Variants in KSR2 observed in about 807,000 individuals in gnomAD.
KSR2 encodes kinase suppressor of ras 2.
In KSR2, 25 loss-of-function variants were observed where a neutral mutation model predicts 107.8. The ratio of observed to expected loss-of-function variants is 0.23; its 90% CI spans 0.17 to 0.32. The LOEUF (loss-of-function observed/expected upper bound fraction) is 0.32. Among genes scored for constraint, KSR2 ranks in the 10% least tolerant of loss-of-function variants. KSR2 has a pLI of 1.00. For missense variants in KSR2, 887 were observed against 1,268.9 expected (o/e 0.70, Z 4.57); for synonymous variants, 480 against 507.0 (o/e 0.95, Z 0.71).
chr12:117,625,134 CAT>C (rs1882403291), intron 5 of KSR2, among the ~76,000 whole-genome samples: 1 of 152,170 alleles, frequency 6.6e-6, no homozygotes, highest in African/African-American at 2.4e-5. Flanking sequence ...AATATACAAT[CAT>C]GTCATCTGCA....
At chr12:117,641,773 G>A (rs141230625) in intron 5 of KSR2, among the ~76,000 whole-genome samples, 328 of 152,222 alleles carry the variant, frequency 2.2e-3, no homozygotes, top group African/African-American at 7.6e-3. Flanking sequence ...AGTTGCCCTT[G>A]AAGAGAAGAA....
intron 4 of KSR2, among the ~76,000 whole-genome samples, chr12:117,668,775 G>A (rs566495544): frequency 5.3e-5 from 8 of 152,104 alleles, no homozygotes; most frequent in Non-Finnish European, 1.2e-4. Flanking sequence ...AGTTCCTTCA[G>A]AAGAAAGAAT....
chr12:117,737,250 AC>A (rs1193384688), intron 4 of KSR2, among the ~76,000 whole-genome samples: 1 of 152,268 alleles, frequency 6.6e-6, no homozygotes, highest in Middle Eastern at 3.4e-3. Flanking sequence ...TTTAGAAACA[AC>A]TCCAAGAATA....
intron 5 of KSR2, among the ~76,000 whole-genome samples, chr12:117,653,481 G>C (rs1461515814): frequency 6.6e-6 from 1 of 152,230 alleles, no homozygotes; most frequent in Admixed American, 6.5e-5. Flanking sequence ...TTTTGCTTCT[G>C]CAAGATATCA....
At chr12:117,831,075 C>T (rs1027705684) in intron 3 of KSR2, among the ~76,000 whole-genome samples, 1 of 152,154 alleles carries the variant, frequency 6.6e-6, no homozygotes, top group African/African-American at 2.4e-5. Flanking sequence ...ATCCAAATAC[C>T]TCCCCCAGAG....
chr12:117,592,623 C>T (rs978245426), intron 5 of KSR2, among the ~76,000 whole-genome samples: 3 of 152,164 alleles, frequency 2.0e-5, no homozygotes, highest in Admixed American at 6.5e-5. Flanking sequence ...GTTTCATTGC[C>T]GGTAAAGAAA....
chr12:117,804,060 TG>T (rs1890928422), intron 3 of KSR2, among the ~76,000 whole-genome samples: 1 of 152,242 alleles, frequency 6.6e-6, no homozygotes, highest in Admixed American at 6.5e-5. Context: ...TTTTGGGGTT[TG>T]AGACAGGATT....
At chr12:117,812,842 C>CAAAAAAAAAAAAAAAAAAAAA (rs3073170) in intron 3 of KSR2, among the ~76,000 whole-genome samples, 19 of 95,528 alleles carry the variant, frequency 2.0e-4, no homozygotes, top group African/African-American at 5.9e-4. Flanking sequence ...CCCAAATAGC[C>CAAAAAAAAAAAAAAAAAAAAA]AAAAAAAAAA....
chr12:117,713,428 T>C (rs992084372), intron 4 of KSR2, among the ~76,000 whole-genome samples: 1 of 152,188 alleles, frequency 6.6e-6, no homozygotes, highest in African/African-American at 2.4e-5. Flanking sequence ...GATACAGATA[T>C]AGATTTTGGC....
intron 1 of KSR2, among the ~76,000 whole-genome samples, chr12:117,953,748 A>G (rs1453334317): frequency 1.3e-5 from 2 of 152,222 alleles, no homozygotes; most frequent in Non-Finnish European, 2.9e-5. Context: ...TAATGGTTAC[A>G]CAACATTATA....
chr12:117,760,891 CAG>C, intron 4 of KSR2, 118 bp downstream of exon 4: 1 of 1,269,180 alleles, frequency 7.9e-7, no homozygotes, highest in South Asian at 1.3e-5. Flanking sequence ...TTCATTCAAC[CAG>C]AGTCTGGAAC....
At chr12:117,620,317 G>T (rs960929340) in intron 5 of KSR2, among the ~76,000 whole-genome samples, 2 of 152,134 alleles carry the variant, frequency 1.3e-5, no homozygotes, top group African/African-American at 4.8e-5. Context: ...CAAAGGGTCT[G>T]CCCCATTGTG....
At chr12:117,773,671 A>G (rs372302229) in intron 3 of KSR2, among the ~76,000 whole-genome samples, 2 of 152,236 alleles carry the variant, frequency 1.3e-5, no homozygotes, top group African/African-American at 4.8e-5. Context: ...AGCAAGAAGC[A>G]GAACTTTTAG....
intron 7 of KSR2, among the ~76,000 whole-genome samples, chr12:117,566,900 A>T (rs758663192): frequency 1.3e-5 from 2 of 152,232 alleles, no homozygotes; most frequent in Non-Finnish European, 2.9e-5. Flanking sequence ...TGCCTCTTAT[A>T]AATGAGCCCA....
At chr12:117,758,505 C>T (rs1421496726) in intron 4 of KSR2, among the ~76,000 whole-genome samples, 2 of 152,140 alleles carry the variant, frequency 1.3e-5, no homozygotes. Context: ...ACAGCATCCC[C>T]CAAGGTGGGC....
chr12:117,872,337 GA>G (rs1289459984), intron 1 of KSR2, among the ~76,000 whole-genome samples: 1 of 152,170 alleles, frequency 6.6e-6, no homozygotes, highest in Non-Finnish European at 1.5e-5. Flanking sequence ...GCTGAGGCTG[GA>G]GGATCGCTTA....
At chr12:117,691,769 G>C (rs1318272671) in intron 4 of KSR2, among the ~76,000 whole-genome samples, 1 of 152,242 alleles carries the variant, frequency 6.6e-6, no homozygotes, top group Admixed American at 6.5e-5. Context: ...TGCAAATTAA[G>C]CCTAGAGCAG....
At chr12:117,820,564 C>A (rs189408341) in intron 3 of KSR2, among the ~76,000 whole-genome samples, 1 of 152,238 alleles carries the variant, frequency 6.6e-6, no homozygotes, top group Admixed American at 6.5e-5. Flanking sequence ...TGGCTCCAGA[C>A]CCTGGGGAAG....
intron 1 of KSR2, among the ~76,000 whole-genome samples, chr12:117,966,005 G>A (rs889614498): frequency 5.2e-3 from 13 of 2,518 alleles, no homozygotes; most frequent in African/African-American, 0.047. Flanking sequence ...CAAGATGGAT[G>A]AAAGTGGTTG....
Sources: allele counts gnomAD v4.1 joint callset (sites outside exome capture counted in the v4.1 genomes callset), GRCh38; gene constraint gnomAD v4.1.1; transcripts MANE v1.5; gene names NCBI Gene and HGNC (gene_info 2026-07-23, HGNC 2026-07-21).